Variants in SLC35D4 observed in about 807,000 individuals in gnomAD.
SLC35D4 encodes solute carrier family 35 member D4, also known as UDP-N-acetylglucosamine transporter SLC35D4.
At chr18:23,391,944 T>TC in the SLC35D4 span, among the ~76,000 whole-genome samples, 1 of 147,794 alleles carries the variant, frequency 6.8e-6, no homozygotes, top group South Asian at 2.1e-4. Context: ...TTCTTCTTCT[T>TC]TTTTTTTTTT....
At chr18:23,297,880 G>A in the SLC35D4 span, 5 of 1,101,550 alleles carry the variant, frequency 4.5e-6, no homozygotes, top group Middle Eastern at 4.0e-4. Flanking sequence ...TGCCCACCTG[G>A]CCTCACTGTC....
At chr18:23,372,864 G>C in the SLC35D4 span, among the ~76,000 whole-genome samples, 1 of 152,106 alleles carries the variant, frequency 6.6e-6, no homozygotes, top group Non-Finnish European at 1.5e-5. Flanking sequence ...CTCAGTGCCT[G>C]ACACGTGGTG....
At chr18:23,243,974 C>A in the SLC35D4 span, among the ~76,000 whole-genome samples, 1 of 152,108 alleles carries the variant, frequency 6.6e-6, no homozygotes, top group East Asian at 1.9e-4. Flanking sequence ...TTTTGACAGT[C>A]GCTTCGTGAT....
the SLC35D4 span, among the ~76,000 whole-genome samples, chr18:23,345,078 A>G: frequency 6.8e-3 from 1,039 of 152,298 alleles, 7 homozygotes; most frequent in Middle Eastern, 0.01. Flanking sequence ...TTAGCATTAC[A>G]TTCAGGTCTG....
the SLC35D4 span, among the ~76,000 whole-genome samples, chr18:23,406,916 C>A: frequency 1.3e-5 from 2 of 152,196 alleles, no homozygotes; most frequent in Non-Finnish European, 2.9e-5. Flanking sequence ...GTAATTCTCC[C>A]ACCTTAGGCC....
the SLC35D4 span, among the ~76,000 whole-genome samples, chr18:23,282,473 G>C: frequency 6.6e-5 from 10 of 152,356 alleles, no homozygotes; most frequent in Admixed American, 6.5e-4. Flanking sequence ...CCATCTCTGA[G>C]ATGTTTCCAG....
the SLC35D4 span, chr18:23,252,909 A>T: frequency 8.0e-7 from 1 of 1,251,990 alleles, no homozygotes; most frequent in Non-Finnish European, 1.2e-6. Context: ...CATAATTATT[A>T]CATACGACCC....
At chr18:23,302,973 GA>G in the SLC35D4 span, among the ~76,000 whole-genome samples, 1 of 152,226 alleles carries the variant, frequency 6.6e-6, no homozygotes, top group East Asian at 1.9e-4. Flanking sequence ...CTTAAAACTT[GA>G]AAAGCAAATG....
At chr18:23,402,144 C>T in the SLC35D4 span, among the ~76,000 whole-genome samples, 10 of 152,294 alleles carry the variant, frequency 6.6e-5, no homozygotes, top group East Asian at 7.7e-4. Context: ...GTCAGTGTGA[C>T]GGCTGTCTTT....
At chr18:23,372,649 C>T in the SLC35D4 span, among the ~76,000 whole-genome samples, 20 of 152,318 alleles carry the variant, frequency 1.3e-4, no homozygotes, top group African/African-American at 4.8e-4. Context: ...ACAGCAGACT[C>T]CCTGTAATTA....
the SLC35D4 span, among the ~76,000 whole-genome samples, chr18:23,361,554 C>T: frequency 6.6e-6 from 1 of 152,116 alleles, no homozygotes; most frequent in Admixed American, 6.5e-5. Context: ...CTGGCCTCTG[C>T]AATGACCCCA....
chr18:23,252,406 AAG>A, the SLC35D4 span, among the ~76,000 whole-genome samples: 1 of 152,204 alleles, frequency 6.6e-6, no homozygotes, highest in Admixed American at 6.5e-5. Flanking sequence ...AAAAAACTAA[AAG>A]AACATTAGCT....
At chr18:23,403,683 G>A in the SLC35D4 span, among the ~76,000 whole-genome samples, 13 of 152,174 alleles carry the variant, frequency 8.5e-5, no homozygotes, top group South Asian at 4.1e-4. Flanking sequence ...AGTTGAAAAC[G>A]CTTGACTGGA....
the SLC35D4 span, chr18:23,260,084 C>T: frequency 1.4e-4 from 21 of 152,294 alleles, no homozygotes; most frequent in African/African-American, 4.8e-4. Flanking sequence ...CTGCAGCTGC[C>T]CCCAGGAGGA....
chr18:23,309,841 A>T, the SLC35D4 span: 5 of 1,182,252 alleles, frequency 4.2e-6, no homozygotes, highest in Non-Finnish European at 6.3e-6. Context: ...TTGAGTTCGG[A>T]TGCCTGCCAT....
At chr18:23,358,786 A>T in the SLC35D4 span, among the ~76,000 whole-genome samples, 1 of 152,128 alleles carries the variant, frequency 6.6e-6, no homozygotes, top group Non-Finnish European at 1.5e-5. Flanking sequence ...CCCTAGAGCT[A>T]ATGTTCTAGT....
chr18:23,309,409 T>C, the SLC35D4 span, among the ~76,000 whole-genome samples: 1 of 152,168 alleles, frequency 6.6e-6, no homozygotes, highest in Non-Finnish European at 1.5e-5. Context: ...TTTCTTGCTC[T>C]GGATGCTGGT....
At chr18:23,246,475 T>C in the SLC35D4 span, among the ~76,000 whole-genome samples, 1 of 152,042 alleles carries the variant, frequency 6.6e-6, no homozygotes, top group East Asian at 2.0e-4. Flanking sequence ...CACTGCAAGC[T>C]CCGCCTCCCG....
At chr18:23,259,909 CTCAGAGA>C in the SLC35D4 span, 2 of 152,414 alleles carry the variant, frequency 1.3e-5, no homozygotes, top group Admixed American at 1.3e-4. Context: ...CCTCCCCACA[CTCAGAGA>C]TCTGTGGGGA....
Sources: allele counts gnomAD v4.1 joint callset (sites outside exome capture counted in the v4.1 genomes callset), GRCh38; gene constraint gnomAD v4.1.1; transcripts MANE v1.5; gene names NCBI Gene and HGNC (gene_info 2026-07-23, HGNC 2026-07-21).